The following CENPE variants were observed in gnomAD, a reference collection of about 807,000 sequenced individuals.
CENPE encodes the protein centromere protein E, also known as centromere-associated protein E.
A neutral mutation model predicts 336.1 loss-of-function variants in CENPE; 145 were observed. The ratio of observed to expected loss-of-function variants is 0.43; its 90% CI spans 0.38 to 0.50. The LOEUF is 0.50. CENPE is among the 20% of genes least tolerant of loss of function. The pLI is 0.00. For missense variants in CENPE, 2,719 were observed against 3,023.3 expected (o/e 0.90, Z 2.36); for synonymous variants, 1,013 against 984.8 (o/e 1.03, Z -0.54).
At chr4:103,142,969 G>T (rs1200378767) in intron 34 of CENPE, among the ~76,000 whole-genome samples, 1 of 132,594 alleles carries the variant, frequency 7.5e-6, no homozygotes, top group Non-Finnish European at 1.5e-5. Context: ...AGATCATGCC[G>T]TTGCACTCCA....
intron 42 of CENPE, among the ~76,000 whole-genome samples, chr4:103,129,810 CA>C (rs1159897055): frequency 3.3e-5 from 5 of 152,094 alleles, no homozygotes; most frequent in African/African-American, 1.2e-4. Flanking sequence ...CAAATCCAAT[CA>C]CGTGTAAAAA....
intron 40 of CENPE, 88 bp from the exon 41 acceptor site, chr4:103,133,980 G>A: frequency 1.3e-6 from 1 of 797,974 alleles, no homozygotes; most frequent in Non-Finnish European, 2.1e-6. Flanking sequence ...GAGGTAGGAT[G>A]ACATCTCTTA....
chr4:103,129,557 T>G (rs1022213474), intron 42 of CENPE, among the ~76,000 whole-genome samples: 1 of 151,782 alleles, frequency 6.6e-6, no homozygotes, highest in Non-Finnish European at 1.5e-5. Flanking sequence ...ACCAACATGG[T>G]GAAACCCGTC....
At chr4:103,122,102 T>C (rs771507282) in intron 43 of CENPE, among the ~76,000 whole-genome samples, 3 of 152,216 alleles carry the variant, frequency 2.0e-5, no homozygotes, top group African/African-American at 4.8e-5. Flanking sequence ...TATTGGTAGA[T>C]GGATTTCATC....
intron 42 of CENPE, among the ~76,000 whole-genome samples, chr4:103,126,491 G>A (rs1302271439): frequency 6.6e-6 from 1 of 152,086 alleles, no homozygotes; most frequent in African/African-American, 2.4e-5. Context: ...ATTTGCTACA[G>A]TTACTTTTAC....
chr4:103,194,104 A>G, intron 8 of CENPE, 125 bp downstream of exon 8: 1 of 693,742 alleles, frequency 1.4e-6, no homozygotes, highest in Non-Finnish European at 2.5e-6. Flanking sequence ...GACTAAGCAG[A>G]CAATTTGTAG....
At chr4:103,113,702 T>C (rs1749814098) in intron 46 of CENPE, among the ~76,000 whole-genome samples, 1 of 147,236 alleles carries the variant, frequency 6.8e-6, no homozygotes, top group African/African-American at 2.5e-5. Context: ...ATAATAAGTG[T>C]ATATATACTT....
chr4:103,130,911 GAAA>G (rs59305096), intron 42 of CENPE, among the ~76,000 whole-genome samples: 1 of 106,852 alleles, frequency 9.4e-6, no homozygotes. Context: ...TTCTACAAGC[GAAA>G]AAAAAAAAAA....
chr4:103,112,693 TAA>T (rs1415285416), intron 46 of CENPE, among the ~76,000 whole-genome samples: 71 of 132,738 alleles, frequency 5.3e-4, no homozygotes, highest in African/African-American at 1.9e-3. Flanking sequence ...TAAGTATATA[TAA>T]GTGTATATAT....
At chr4:103,140,747 A>G in intron 36 of CENPE, 67 bp downstream of exon 36, 1 of 1,315,872 alleles carries the variant, frequency 7.6e-7, no homozygotes, top group South Asian at 1.5e-5. Flanking sequence ...ACAACGCTGC[A>G]GTGAACACTG....
chr4:103,144,989 T>C, intron 32 of CENPE, 61 bp downstream of exon 32: 1 of 1,369,324 alleles, frequency 7.3e-7, no homozygotes, highest in Non-Finnish European at 9.7e-7. Context: ...ATGAACACCG[T>C]CATTATCACC....
intron 8 of CENPE, 111 bp from the exon 9 acceptor site, chr4:103,185,972 TC>T: frequency 4.7e-6 from 3 of 634,728 alleles, no homozygotes; most frequent in Non-Finnish European, 2.8e-6. Context: ...TCGATCTGTA[TC>T]CATGTCTCCC....
intron 45 of CENPE, 48 bp downstream of exon 45, chr4:103,116,529 A>G (rs1560593135): frequency 1.1e-6 from 1 of 892,246 alleles, no homozygotes; most frequent in South Asian, 1.7e-5. Flanking sequence ...TAGTTTAGGA[A>G]GAAAATTTAA....
At chr4:103,163,608 C>CAAAAAAAAAAAAAG in intron 16 of CENPE, 55 bp from the exon 17 acceptor site, 1 of 300,222 alleles carries the variant, frequency 3.3e-6, no homozygotes. Context: ...TAAAGCAAAG[C>CAAAAAAAAAAAAAG]AAAAAAAAAA....
At chr4:103,150,625 A>G (rs1753464294) in intron 26 of CENPE, among the ~76,000 whole-genome samples, 1 of 152,096 alleles carries the variant, frequency 6.6e-6, no homozygotes, top group African/African-American at 2.4e-5. Flanking sequence ...AATATTCCAC[A>G]GAATAATAAC....
At chr4:103,128,123 T>A (rs773103619) in intron 42 of CENPE, among the ~76,000 whole-genome samples, 1 of 152,128 alleles carries the variant, frequency 6.6e-6, no homozygotes, top group Non-Finnish European at 1.5e-5. Context: ...GAAGTAGTGA[T>A]ATTAATTTCA....
chr4:103,133,300 C>T (rs1200848783), intron 41 of CENPE, among the ~76,000 whole-genome samples: 2 of 152,068 alleles, frequency 1.3e-5, no homozygotes, highest in South Asian at 2.1e-4. Context: ...CCTGCCTGAG[C>T]CTCTTAAGTA....
At chr4:103,111,750 A>G (rs1014578444) in intron 46 of CENPE, among the ~76,000 whole-genome samples, 1 of 151,376 alleles carries the variant, frequency 6.6e-6, no homozygotes, top group Non-Finnish European at 1.5e-5. Flanking sequence ...TTCTATTTTT[A>G]CCCCTTTAAG....
chr4:103,195,128 G>A lies in CENPE; in HGVS notation c.463C>T (p.Arg155Ter). ...CTGCTACTCACATTGACATCTTCTC[G>A]AATAATTAAAGGTTTCATTTTTTGA... ...GTQKMKPLII[R>*]EDVNRNVYVA... is the part of the protein sequence containing the mutation. The change falls in exon 5 of 49, where the codon CGA becomes TGA. Residue 155 changes from arginine to a stop codon, truncating the protein, a stop_gained. Coordinates refer to ENST00000265148, the MANE Select transcript of CENPE (RefSeq NM_001813.3). LOFTEE classifies it high-confidence loss of function. 6.3e-7 allele frequency: 1 copy of A among 1,584,574 alleles called. No individual in the cohort carries two copies. Among genetic ancestry groups the A allele is most frequent in the Non-Finnish European group, 8.5e-7 (1 of 1,172,152 alleles).
Sources: allele counts gnomAD v4.1 joint callset (sites outside exome capture counted in the v4.1 genomes callset), GRCh38; gene constraint gnomAD v4.1.1; transcripts MANE v1.5; gene names NCBI Gene and HGNC (gene_info 2026-07-23, HGNC 2026-07-21).